Variants in LRIG1 observed in about 807,000 individuals in gnomAD.
The protein encoded by LRIG1 is leucine-rich repeats and immunoglobulin-like domains protein 1.
Under a neutral mutation model 99.2 loss-of-function variants are expected in LRIG1, and 48 were observed. The ratio of observed to expected loss-of-function variants is 0.48; its 90% confidence interval spans 0.38 to 0.62. The LOEUF (loss-of-function observed/expected upper bound fraction) is 0.62. LRIG1 is among the 20% of genes least tolerant of loss of function. The probability of loss-of-function intolerance (pLI) is 0.00; values close to 1 mark genes in which losing one functional copy is unlikely to be tolerated. For missense variants in LRIG1, 1,646 were observed against 1,434.4 expected, an observed-to-expected ratio of 1.15 and a Z score of -2.38; for synonymous variants, 772 against 596.1, an observed-to-expected ratio of 1.29 and a Z score of -4.30.
At chr3:66,409,411 C>T (rs554984044) in intron 7 of LRIG1, among the ~76,000 whole-genome samples, 7 of 152,328 alleles carry the variant, frequency 4.6e-5, no homozygotes, top group East Asian at 3.9e-4. Context: ...GCTACCCAGG[C>T]GACAGTCTGT....
At chr3:66,442,896 C>T (rs1703589989) in intron 3 of LRIG1, among the ~76,000 whole-genome samples, 1 of 152,124 alleles carries the variant, frequency 6.6e-6, no homozygotes. Context: ...CTGGTGTTCC[C>T]TTCACTTTCT....
intron 1 of LRIG1, among the ~76,000 whole-genome samples, chr3:66,495,533 A>T (rs1701206594): frequency 6.6e-6 from 1 of 152,218 alleles, no homozygotes; most frequent in African/African-American, 2.4e-5. Context: ...GGTCAGAGGA[A>T]TCCCTTTTAT....
At chr3:66,404,954 G>A (rs1427666235) in intron 9 of LRIG1, among the ~76,000 whole-genome samples, 1 of 152,184 alleles carries the variant, frequency 6.6e-6, no homozygotes, top group Non-Finnish European at 1.5e-5. Flanking sequence ...AGCTCCACCA[G>A]CCGCCAAACG....
intron 1 of LRIG1, among the ~76,000 whole-genome samples, chr3:66,484,194 G>C (rs931863280): frequency 6.6e-6 from 1 of 152,176 alleles, no homozygotes; most frequent in Non-Finnish European, 1.5e-5. Context: ...TGAAGCCTGG[G>C]AGGTCTGAAT....
At chr3:66,410,501 C>T (rs530936497) in intron 6 of LRIG1, among the ~76,000 whole-genome samples, 7 of 152,332 alleles carry the variant, frequency 4.6e-5, no homozygotes, top group Admixed American at 4.6e-4. Flanking sequence ...CTCGAGTGTT[C>T]ATAGGGCAAG....
chr3:66,380,516 A>AC (rs1282791474), intron 18 of LRIG1, 27 bp from the exon 19 acceptor site: 6 of 1,613,888 alleles, frequency 3.7e-6, no homozygotes, highest in East Asian at 4.5e-5. Flanking sequence ...AACCTGTCAG[A>AC]CCCCCACTTG....
intron 11 of LRIG1, among the ~76,000 whole-genome samples, chr3:66,395,638 C>G (rs17044465): frequency 6.6e-6 from 1 of 152,150 alleles, no homozygotes; most frequent in East Asian, 1.9e-4. Context: ...GGGCAGGTAG[C>G]GTTCTGCTGA....
intron 8 of LRIG1, among the ~76,000 whole-genome samples, chr3:66,406,929 G>C (rs973995261): frequency 6.6e-6 from 1 of 152,150 alleles, no homozygotes; most frequent in Admixed American, 6.5e-5. Context: ...CCATGGTTTA[G>C]AGAAAAAATA....
chr3:66,389,600 A>G (rs1040936148), intron 12 of LRIG1, among the ~76,000 whole-genome samples: 1 of 152,214 alleles, frequency 6.6e-6, no homozygotes, highest in African/African-American at 2.4e-5. Context: ...TTTATAATGT[A>G]AAAGGGTCAA....
chr3:66,500,207 G>C lies in LRIG1; in HGVS notation c.201C>G (p.Pro67=). Residue 67 remains proline, a synonymous_variant, in exon 1 of 19, where the codon CCC becomes CCG. Transcript: ENST00000273261. ...RGLAALPGDL[P]SWTRSLNLSY... Reference sequence around the variant, plus strand: ...GCACTCACAGGCTCCGCGTCCAGGAGGGCAGGTCCCCGGGCAACGCAGCCA... The same window carrying C: ...GCACTCACAGGCTCCGCGTCCAGGACGGCAGGTCCCCGGGCAACGCAGCCA... 6.6e-7 allele frequency: 1 copy of C among 1,515,538 alleles called. No homozygotes were observed. Among genetic ancestry groups the C allele is most frequent in the Non-Finnish European group, 8.8e-7 (1 of 1,138,420 alleles). 93.9% of individuals were successfully genotyped at this position (1,515,538 alleles called of 1,614,324 possible).
At chr3:66,382,458 C>G in intron 15 of LRIG1, 60 bp from the exon 16 acceptor site, 8 of 1,596,492 alleles carry the variant, frequency 5.0e-6, no homozygotes, top group South Asian at 1.1e-5. Context: ...TGCAGACACA[C>G]GTTCACTGTC....
At chr3:66,405,495 C>G (rs1353919137) in intron 8 of LRIG1, among the ~76,000 whole-genome samples, 1 of 152,156 alleles carries the variant, frequency 6.6e-6, no homozygotes, top group East Asian at 1.9e-4. Context: ...AAGAAACTTC[C>G]CTGGGCTCCA....
chr3:66,388,367 C>T (rs182645057), intron 12 of LRIG1, among the ~76,000 whole-genome samples: 61 of 152,012 alleles, frequency 4.0e-4, no homozygotes, highest in African/African-American at 1.4e-3. Context: ...ACCACAGAGA[C>T]TTGTGGGACA....
intron 13 of LRIG1, among the ~76,000 whole-genome samples, chr3:66,384,583 G>C (rs751480293): frequency 8.7e-5 from 13 of 148,668 alleles, no homozygotes; most frequent in African/African-American, 1.0e-4. Context: ...ATCCACACTA[G>C]GTAGGCCTGA....
intron 1 of LRIG1, among the ~76,000 whole-genome samples, chr3:66,472,030 C>T (rs1234044116): frequency 1.3e-5 from 2 of 152,034 alleles, no homozygotes; most frequent in East Asian, 1.9e-4. Context: ...TCGGGCCAGG[C>T]GTGGTGGCTC....
At chr3:66,415,916 C>T (rs1702602893) in intron 4 of LRIG1, among the ~76,000 whole-genome samples, 1 of 152,124 alleles carries the variant, frequency 6.6e-6, no homozygotes, top group African/African-American at 2.4e-5. Context: ...GGAGAAAGAC[C>T]AGAGAGGATT....
At chr3:66,442,374 G>T (rs919216989) in intron 3 of LRIG1, among the ~76,000 whole-genome samples, 5 of 152,164 alleles carry the variant, frequency 3.3e-5, no homozygotes, top group Non-Finnish European at 2.9e-5. Context: ...GCCATTTTCA[G>T]ATTAGGTGCA....
chr3:66,458,564 T>C (rs1287036616), intron 2 of LRIG1, among the ~76,000 whole-genome samples: 2 of 151,326 alleles, frequency 1.3e-5, no homozygotes, highest in African/African-American at 2.4e-5. Flanking sequence ...TAGCTGGGCG[T>C]GGTGGTGCAC....
At position 66,500,884 on chromosome 3, in the gene LRIG1, C is replaced by T. The variant is rs1701343625; in HGVS notation, c.-477G>A. ...GCTGGACGGCGCGGCCGGCCCCGCGCTGGGAGGCCCCAGTGCGCCTCGCTG... is the reference window on the plus strand; with the variant it reads ...GCTGGACGGCGCGGCCGGCCCCGCGTTGGGAGGCCCCAGTGCGCCTCGCTG... On this transcript the variant is annotated 5_prime_UTR_variant, in exon 1 of 19. Coordinates refer to ENST00000273261, the MANE Select transcript of LRIG1 (RefSeq NM_015541.3). The T allele has an allele frequency of 6.6e-6, 1 of 151,930 alleles. No homozygotes were observed. The highest frequency in any genetic ancestry group is 6.6e-5 in the Admixed American group (1 of 15,250). 9.4% of individuals were successfully genotyped at this position (151,930 alleles called of 1,614,324 possible). A position where few individuals can be genotyped will look rare whatever the true frequency, so the allele number is the denominator to read the frequency against.
Sources: allele counts gnomAD v4.1 joint callset (sites outside exome capture counted in the v4.1 genomes callset), GRCh38; gene constraint gnomAD v4.1.1; transcripts MANE v1.5; gene names NCBI Gene and HGNC (gene_info 2026-07-23, HGNC 2026-07-21).